Variants in LRP1B observed in about 807,000 individuals in gnomAD.
LRP1B encodes the protein low-density lipoprotein receptor-related protein 1B.
In LRP1B, 217 loss-of-function variants were observed where a neutral mutation model predicts 556.6. That is an observed-to-expected ratio of 0.39 (90% confidence interval 0.35 to 0.44). The LOEUF (loss-of-function observed/expected upper bound fraction) is 0.44, where lower values mean the gene tolerates loss of function less well. Among genes scored for constraint, LRP1B ranks in the 20% least tolerant of loss-of-function variants. The pLI is 1.00. For synonymous variants in LRP1B, 2,047 were observed against 1,865.8 expected (o/e 1.10, Z -2.50); for missense variants, 5,053 against 5,620.8 (o/e 0.90, Z 3.23).
chr2:140,915,397 C>T (rs763135792), intron 21 of LRP1B, among the ~76,000 whole-genome samples: 5 of 151,718 alleles, frequency 3.3e-5, no homozygotes, highest in Non-Finnish European at 5.9e-5. Flanking sequence ...ACCTCTAATC[C>T]CAGCACTTTG....
chr2:141,219,989 T>C (rs912176045), intron 6 of LRP1B, among the ~76,000 whole-genome samples: 3 of 151,558 alleles, frequency 2.0e-5, no homozygotes, highest in Admixed American at 2.0e-4. Flanking sequence ...AATGCCAAAA[T>C]GCTGAAAACT....
Position 140,541,768 on chromosome 2 carries a change from T to A in LRP1B, c.7387+11A>T, listed in dbSNP as rs763201698. ...AATGAAAAAACACATTTGCTTTCTA[T>A]TATAACTTACAGCTATTGGTGTCAT... On this transcript the variant is annotated intron_variant, in intron 44 of 90. Transcript: ENST00000389484. 1 of 1,598,358 alleles carries A rather than the reference T, an allele frequency of 6.3e-7. No homozygotes were observed. Among genetic ancestry groups the A allele is most frequent in the Non-Finnish European group, 8.6e-7 (1 of 1,168,610 alleles).
At chr2:140,581,991 T>C (rs1681781410) in intron 43 of LRP1B, among the ~76,000 whole-genome samples, 1 of 152,090 alleles carries the variant, frequency 6.6e-6, no homozygotes, top group Admixed American at 6.5e-5. Flanking sequence ...TTGGAGAAAA[T>C]GCAAGGCACT....
At chr2:140,795,650 T>A (rs773028715) in intron 32 of LRP1B, among the ~76,000 whole-genome samples, 1 of 152,074 alleles carries the variant, frequency 6.6e-6, no homozygotes, top group Non-Finnish European at 1.5e-5. Flanking sequence ...TATATCTAAA[T>A]CTAGGTATAT....
At chr2:140,375,977 G>T (rs1349761748) in intron 68 of LRP1B, among the ~76,000 whole-genome samples, 1 of 150,740 alleles carries the variant, frequency 6.6e-6, no homozygotes, top group African/African-American at 2.4e-5. Context: ...TAATGTGAGA[G>T]TATTCTGTGT....
At chr2:141,096,625 AGGGG>A (rs140050714) in intron 7 of LRP1B, among the ~76,000 whole-genome samples, 8,099 of 51,798 alleles carry the variant, frequency 0.16, 556 homozygotes, top group East Asian at 0.27. Context: ...AGACGGGGAG[AGGGG>A]GAGAGAGAGA....
At chr2:141,490,511 A>C (rs979765588) in intron 2 of LRP1B, among the ~76,000 whole-genome samples, 2 of 152,046 alleles carry the variant, frequency 1.3e-5, no homozygotes, top group African/African-American at 4.8e-5. Context: ...CACTGCAACT[A>C]TAAACACTTA....
chr2:140,303,645 T>C (rs1683936957), intron 83 of LRP1B, among the ~76,000 whole-genome samples: 2 of 152,030 alleles, frequency 1.3e-5, no homozygotes, highest in South Asian at 4.1e-4. Flanking sequence ...CTATAAAAAA[T>C]ATTATTTTTT....
chr2:141,675,643 T>A (rs996301690), intron 2 of LRP1B, among the ~76,000 whole-genome samples: 1 of 150,370 alleles, frequency 6.7e-6, no homozygotes, highest in Non-Finnish European at 1.5e-5. Flanking sequence ...TAGTAAGTAT[T>A]CAAATCCTAG....
At chr2:142,048,941 C>T (rs987117397) in intron 1 of LRP1B, among the ~76,000 whole-genome samples, 13 of 151,982 alleles carry the variant, frequency 8.6e-5, no homozygotes, top group Non-Finnish European at 1.6e-4. Flanking sequence ...GACTAATTCC[C>T]CTTCTACTAA....
chr2:140,870,415 C>A (rs866312174), intron 25 of LRP1B, among the ~76,000 whole-genome samples: 24 of 152,236 alleles, frequency 1.6e-4, no homozygotes, highest in South Asian at 6.2e-4. Flanking sequence ...TTCCCTCTCC[C>A]ATATGAAGAG....
intron 5 of LRP1B, among the ~76,000 whole-genome samples, chr2:141,236,334 T>A (rs1254458037): frequency 1.3e-5 from 2 of 152,180 alleles, no homozygotes; most frequent in Non-Finnish European, 2.9e-5. Context: ...CTTAGCATTA[T>A]GTTAAGTGAA....
intron 1 of LRP1B, among the ~76,000 whole-genome samples, chr2:142,078,824 A>G (rs1450486553): frequency 6.6e-6 from 1 of 152,154 alleles, no homozygotes; most frequent in Non-Finnish European, 1.5e-5. Flanking sequence ...AGCACATATA[A>G]TAAGTAGTAT....
At chr2:141,924,776 T>C (rs559488228) in intron 1 of LRP1B, among the ~76,000 whole-genome samples, 1 of 152,314 alleles carries the variant, frequency 6.6e-6, no homozygotes, top group South Asian at 2.1e-4. Context: ...GGGAATTCCA[T>C]GACACTTGTG....
chr2:141,538,638 C>CTTT (rs35243335), intron 2 of LRP1B, among the ~76,000 whole-genome samples: 1 of 102,158 alleles, frequency 9.8e-6, no homozygotes, highest in African/African-American at 3.2e-5. Context: ...AAAAAAACTT[C>CTTT]TTTTTTTTTT....
chr2:140,716,478 A>C (rs754712586), intron 36 of LRP1B, among the ~76,000 whole-genome samples: 7 of 152,084 alleles, frequency 4.6e-5, no homozygotes, highest in Non-Finnish European at 1.0e-4. Context: ...AACACTACAT[A>C]ATCTACTTCT....
intron 3 of LRP1B, among the ~76,000 whole-genome samples, chr2:141,440,618 G>A (rs1422152940): frequency 3.3e-5 from 5 of 152,178 alleles, no homozygotes; most frequent in Non-Finnish European, 7.3e-5. Flanking sequence ...CTACTGTACA[G>A]TAGCTTTCCC....
intron 32 of LRP1B, among the ~76,000 whole-genome samples, chr2:140,776,875 A>G (rs1689518769): frequency 2.0e-5 from 3 of 151,974 alleles, no homozygotes; most frequent in African/African-American, 7.3e-5. Flanking sequence ...CAGATAAAAA[A>G]ATAGAGATCT....
intron 2 of LRP1B, among the ~76,000 whole-genome samples, chr2:141,730,035 C>T (rs1157785045): frequency 6.6e-6 from 1 of 152,094 alleles, no homozygotes; most frequent in East Asian, 1.9e-4. Context: ...CCCCAACAGA[C>T]ACAAAGGCAA....
Sources: gnomAD v4.1 joint callset for allele counts (sites outside exome capture counted in the v4.1 genomes callset) on GRCh38, gnomAD v4.1.1 for gene constraint, MANE v1.5 for transcripts, NCBI Gene and HGNC (gene_info 2026-07-23, HGNC 2026-07-21) for gene names.